NSMCE1: variants seen among roughly 807,000 people sequenced by gnomAD.
The protein encoded by NSMCE1 is non-structural maintenance of chromosomes element 1 homolog.
In NSMCE1, 18 loss-of-function variants were observed where a neutral mutation model predicts 29.6. The observed-to-expected ratio is 0.61, with a 90% CI of 0.42 to 0.90. The LOEUF is 0.90. NSMCE1 is among the 40% of genes least tolerant of loss of function. NSMCE1 has a pLI of 0.00. For synonymous variants in NSMCE1, 124 were observed against 133.4 expected (o/e 0.93, Z 0.49); for missense variants, 314 against 343.6 (o/e 0.91, Z 0.68).
At chr16:27,239,865 G>A (rs1273496038) in intron 2 of NSMCE1, among the ~76,000 whole-genome samples, 1 of 152,208 alleles carries the variant, frequency 6.6e-6, no homozygotes. Flanking sequence ...GGCAGGGTGT[G>A]TCTGGATTTC....
rs563871493 is a variant in NSMCE1 at position 27,226,732 on chromosome 16, G to C, written c.588C>G (p.Ser196Arg). ...GCCCTGCGGGTACCTGGATGAGGAG[G>C]CTGTGACAGATATTGCAGATCTTCA... ...DAVKICNICH[S>R]LLIQGQSCET... Residue 196 changes from serine (S) to arginine (R), a missense_variant, in exon 6 of 8, where the codon AGC (serine) becomes AGG (arginine). Physicochemically the swap from Ser to Arg is moderately radical, Grantham distance 110 (BLOSUM62 -1). Coordinates refer to ENST00000361439, the MANE Select transcript of NSMCE1 (RefSeq NM_145080.4). 1.2e-6 allele frequency: 2 copies of C among 1,609,674 alleles called. No homozygotes were observed. The highest frequency in any genetic ancestry group is 2.2e-5 in the East Asian group (1 of 44,854).
At chr16:27,253,541 G>A (rs1456738478) in intron 2 of NSMCE1, among the ~76,000 whole-genome samples, 1 of 152,144 alleles carries the variant, frequency 6.6e-6, no homozygotes, top group Non-Finnish European at 1.5e-5. Context: ...AAGGTGTACT[G>A]AGCCCTGTTG....
intron 2 of NSMCE1, among the ~76,000 whole-genome samples, chr16:27,250,654 G>A (rs1444694762): frequency 2.6e-5 from 4 of 151,606 alleles, no homozygotes; most frequent in East Asian, 2.0e-4. Context: ...TTCGTCGGGC[G>A]TGGTGGCACG....
At chr16:27,262,926 C>T (rs1288893218) in intron 1 of NSMCE1, among the ~76,000 whole-genome samples, 1 of 151,912 alleles carries the variant, frequency 6.6e-6, no homozygotes, top group African/African-American at 2.4e-5. Flanking sequence ...TACATGTGGT[C>T]AACAAGCATA....
At chr16:27,248,286 A>G (rs2083978826) in intron 2 of NSMCE1, among the ~76,000 whole-genome samples, 1 of 152,122 alleles carries the variant, frequency 6.6e-6, no homozygotes, top group Non-Finnish European at 1.5e-5. Flanking sequence ...TACATTCCCA[A>G]CAGTAGTATA....
chr16:27,252,684 G>A (rs916494293), intron 2 of NSMCE1, among the ~76,000 whole-genome samples: 6 of 152,022 alleles, frequency 3.9e-5, no homozygotes, highest in East Asian at 3.9e-4. Context: ...TTGGGGAGGC[G>A]GAGGCAGGCG....
intron 2 of NSMCE1, among the ~76,000 whole-genome samples, chr16:27,251,199 TATATATATAA>T (rs2084030915): frequency 2.0e-4 from 15 of 75,168 alleles, no homozygotes; most frequent in African/African-American, 1.0e-3. Flanking sequence ...TAAATATATA[TATATATATAA>T]AACTCTGTAG....
rs2083767783 is a variant in NSMCE1, at chr16:27,232,004, C to T, written c.483+997G>A. On this transcript the variant is annotated intron_variant, in intron 5 of 7. Transcript: ENST00000361439. This position sits in a 1 kb window ranked among gnomAD's most constrained non-coding sequence, Gnocchi z 4.5. The stretch of plus-strand genomic sequence containing the variant: ...CCATGACCTCTCCACCCTGTCTTCC[C>T]ATCAGGTACCCCAGGAACTGAATTC... Among the ~76,000 whole-genome samples, 1 of 152,216 alleles carries T rather than the reference C, an allele frequency of 6.6e-6. No homozygotes were observed. Among genetic ancestry groups the T allele is most frequent in the Non-Finnish European group, 1.5e-5 (1 of 68,044 alleles).
At chr16:27,233,811 C>T (rs2083787546) in intron 4 of NSMCE1, among the ~76,000 whole-genome samples, 1 of 152,246 alleles carries the variant, frequency 6.6e-6, no homozygotes, top group South Asian at 2.1e-4. Flanking sequence ...ACTCAGCAGT[C>T]TAGAGTGGGG....
In NSMCE1 at chr16:27,235,307, TAAAC is replaced by T. The variant is rs1362945851; in HGVS notation, c.137-12_137-9del. 1.9e-6 allele frequency: 3 copies of T among 1,611,326 alleles called. No homozygotes were observed. The highest frequency in any genetic ancestry group is 2.5e-6 in the Non-Finnish European group (3 of 1,179,556). ...TATCTACGGTGGCATTGCCTGGAAA[TAAAC>T]AGACCAAAAAAAGGGGGGTGACCAG... is the stretch of plus-strand genomic sequence containing the variant. On this transcript the variant is annotated splice_polypyrimidine_tract_variant and intron_variant, in intron 2 of 7. Coordinates refer to ENST00000361439, the MANE Select transcript of NSMCE1 (RefSeq NM_145080.4).
chr16:27,225,311 A>C lies in NSMCE1; in HGVS notation c.722-75T>G, dbSNP rs529978617. The C allele has an allele frequency of 3.5e-5, 30 of 856,826 alleles. 2 individuals are homozygous for C. Among genetic ancestry groups the C allele is most frequent in the African/African-American group, 2.2e-4 (13 of 60,212 alleles). 53.1% of individuals were successfully genotyped at this position (856,826 alleles called of 1,614,324 possible). ...CACAGGGGCACCAGCTGGAGCCAGC[A>C]GCTACGTCTCCTGTGCCAAGGACTG... On this transcript the variant is annotated intron_variant, in intron 7 of 7. Coordinates refer to ENST00000361439, the MANE Select transcript of NSMCE1 (RefSeq NM_145080.4).
intron 2 of NSMCE1, among the ~76,000 whole-genome samples, chr16:27,239,034 C>T (rs1296789569): frequency 6.6e-6 from 1 of 152,108 alleles, no homozygotes; most frequent in East Asian, 1.9e-4. Flanking sequence ...CCACACCTGG[C>T]TAATTTTTTG....
chr16:27,251,192 A>G lies in NSMCE1; in HGVS notation c.136+6243T>C, dbSNP rs1037984167. Among the ~76,000 whole-genome samples the G allele has an allele frequency of 1.0e-3, 56 of 54,272 alleles. 1 individual carries two copies. Among genetic ancestry groups the G allele is most frequent in the South Asian group, 2.6e-3 (4 of 1,544 alleles). 35.6% of individuals were successfully genotyped at this position (54,272 alleles called of 152,430 possible). On this transcript the variant is annotated intron_variant, in intron 2 of 7. Transcript: ENST00000361439. ...TATATATATATATATATATATATAA[A>G]TATATATATATATATAAAACTCTGT...
chr16:27,262,549 A>C (rs1328962794), intron 1 of NSMCE1, among the ~76,000 whole-genome samples: 1 of 152,208 alleles, frequency 6.6e-6, no homozygotes, highest in Non-Finnish European at 1.5e-5. Flanking sequence ...ATATGTGAAG[A>C]CTGAGGCTGG....
chr16:27,242,972 C>T (rs749621013), intron 2 of NSMCE1, among the ~76,000 whole-genome samples: 2 of 152,196 alleles, frequency 1.3e-5, no homozygotes, highest in South Asian at 2.1e-4. Context: ...TCCTCCTGCT[C>T]AGATTGCACT....
intron 2 of NSMCE1, among the ~76,000 whole-genome samples, chr16:27,251,089 C>G (rs1424053535): frequency 6.8e-6 from 1 of 146,094 alleles, no homozygotes; most frequent in Non-Finnish European, 1.5e-5. Flanking sequence ...GATCTGCCCA[C>G]CTCAGCCTCC....
At chr16:27,234,431 G>A (rs1036107339) in intron 3 of NSMCE1, among the ~76,000 whole-genome samples, 166 bp from the exon 4 acceptor site, 1 of 152,210 alleles carries the variant, frequency 6.6e-6, no homozygotes, top group African/African-American at 2.4e-5. Flanking sequence ...GTATATTACA[G>A]ACTTTATTCT....
At chr16:27,244,249 T>C (rs574495458) in intron 2 of NSMCE1, among the ~76,000 whole-genome samples, 1 of 152,350 alleles carries the variant, frequency 6.6e-6, no homozygotes, top group South Asian at 2.1e-4. Context: ...GAGGACTCAA[T>C]TTGGTGCCCA....
At chr16:27,253,119 C>A (rs944728688) in intron 2 of NSMCE1, among the ~76,000 whole-genome samples, 9 of 152,090 alleles carry the variant, frequency 5.9e-5, no homozygotes, top group African/African-American at 2.2e-4. Context: ...TATAAAAAAA[C>A]CACGTAAGTC....
Sources: gnomAD v4.1 joint callset for allele counts (sites outside exome capture counted in the v4.1 genomes callset) on GRCh38, gnomAD v4.1.1 for gene constraint, Gnocchi (gnomAD v3.1) non-coding constraint, MANE v1.5 for transcripts, NCBI Gene and HGNC (gene_info 2026-07-23, HGNC 2026-07-21) for gene names.